Variants in FBXW11 observed in about 807,000 individuals in gnomAD.
The protein encoded by FBXW11 is F-box and WD repeat domain containing 11.
In FBXW11, 19 loss-of-function variants were observed where a neutral mutation model predicts 77.6. The observed-to-expected ratio is 0.24, with a 90% confidence interval of 0.17 to 0.36. The LOEUF (loss-of-function observed/expected upper bound fraction) is 0.36, where lower values mean the gene tolerates loss of function less well. Among genes scored for constraint, FBXW11 ranks in the 10% least tolerant of loss-of-function variants. FBXW11 has a pLI of 1.00. For missense variants in FBXW11, 334 were observed against 704.2 expected, an observed-to-expected ratio of 0.47 and a Z score of 5.95; for synonymous variants, 235 against 249.4, an observed-to-expected ratio of 0.94 and a Z score of 0.54.
chr5:171,865,309 G>T (rs1008111433), intron 13 of FBXW11, among the ~76,000 whole-genome samples: 1 of 150,980 alleles, frequency 6.6e-6, no homozygotes, highest in Non-Finnish European at 1.5e-5. Context: ...GTCTTCAAAC[G>T]TGATACCTTT....
At chr5:171,895,144 T>A (rs1759658050) in intron 6 of FBXW11, among the ~76,000 whole-genome samples, 1 of 152,170 alleles carries the variant, frequency 6.6e-6, no homozygotes, top group South Asian at 2.1e-4. Context: ...CCTCTTTATA[T>A]GGATACCTAT....
chr5:171,989,669 G>C (rs958407631), intron 1 of FBXW11, among the ~76,000 whole-genome samples: 5 of 152,180 alleles, frequency 3.3e-5, no homozygotes, highest in Admixed American at 2.0e-4. Flanking sequence ...TAAAGGAACT[G>C]TTCTTAAAAA....
intron 1 of FBXW11, among the ~76,000 whole-genome samples, chr5:171,965,673 A>G (rs929983325): frequency 6.6e-6 from 1 of 152,138 alleles, no homozygotes; most frequent in African/African-American, 2.4e-5. Flanking sequence ...TTTTTCTCCA[A>G]TGACCACCTA....
At chr5:171,890,174 T>C (rs766137340) in intron 7 of FBXW11, among the ~76,000 whole-genome samples, 5 of 152,006 alleles carry the variant, frequency 3.3e-5, no homozygotes, top group African/African-American at 4.8e-5. Flanking sequence ...ACATACCTAT[T>C]AGAATGGCTA....
chr5:171,931,759 T>C (rs992859154), intron 2 of FBXW11, among the ~76,000 whole-genome samples: 5 of 151,588 alleles, frequency 3.3e-5, no homozygotes, highest in African/African-American at 9.7e-5. Flanking sequence ...GCAAAAAACA[T>C]ATATGACAAA....
At chr5:171,899,248 T>C (rs1423590289) in intron 5 of FBXW11, among the ~76,000 whole-genome samples, 154 bp from the exon 6 acceptor site, 1 of 152,200 alleles carries the variant, frequency 6.6e-6, no homozygotes, top group Non-Finnish European at 1.5e-5. Flanking sequence ...ATTTACATGT[T>C]ACAGACAAGT....
At chr5:171,931,708 G>C (rs960871463) in intron 2 of FBXW11, among the ~76,000 whole-genome samples, 1 of 152,084 alleles carries the variant, frequency 6.6e-6, no homozygotes, top group Non-Finnish European at 1.5e-5. Context: ...ACACTGTCAA[G>C]AGAATTGAAA....
At chr5:171,932,022 A>G (rs1424801750) in intron 2 of FBXW11, among the ~76,000 whole-genome samples, 1 of 151,836 alleles carries the variant, frequency 6.6e-6, no homozygotes, top group Non-Finnish European at 1.5e-5. Flanking sequence ...CCACAGGGGT[A>G]CACCACCATA....
intron 7 of FBXW11, among the ~76,000 whole-genome samples, chr5:171,886,556 AAAACTT>A (rs1167598438): frequency 3.3e-5 from 5 of 152,228 alleles, no homozygotes; most frequent in East Asian, 1.9e-4. Context: ...CATGTACCCT[AAAACTT>A]AAAGTATAAT....
intron 1 of FBXW11, among the ~76,000 whole-genome samples, chr5:171,960,418 A>G (rs1167562662): frequency 5.9e-5 from 9 of 152,220 alleles, no homozygotes; most frequent in Non-Finnish European, 8.8e-5. Flanking sequence ...TCAGCAACTA[A>G]TATCAAATTA....
chr5:171,955,829 AT>A (rs1214670665), intron 2 of FBXW11, among the ~76,000 whole-genome samples: 9 of 152,012 alleles, frequency 5.9e-5, no homozygotes, highest in Admixed American at 1.3e-4. Flanking sequence ...AAAAAAAAAA[AT>A]CTTTTTTTCC....
intron 2 of FBXW11, among the ~76,000 whole-genome samples, chr5:171,946,426 C>A (rs1763011689): frequency 6.6e-6 from 1 of 152,176 alleles, no homozygotes; most frequent in South Asian, 2.1e-4. Flanking sequence ...CCATCTCATG[C>A]AGAATAAAAG....
chr5:171,942,506 G>A (rs928872142), intron 2 of FBXW11, among the ~76,000 whole-genome samples: 1 of 151,642 alleles, frequency 6.6e-6, no homozygotes, highest in Non-Finnish European at 1.5e-5. Flanking sequence ...AAAAGCGATT[G>A]CTGTTTTCTC....
Position 171,959,928 on chromosome 5 carries a change from T to C in FBXW11, c.46-2230A>G, listed in dbSNP as rs148038035. On this transcript the variant is annotated intron_variant, in intron 1 of 13. Coordinates refer to ENST00000517395, the MANE Select transcript of FBXW11 (RefSeq NM_001378974.1). Reference sequence around the variant, plus strand: ...GTGCAGGGGAATAAGGGCTAACTGATGGCAGAATTAGGACTAGTAAATTAA... The same window carrying C: ...GTGCAGGGGAATAAGGGCTAACTGACGGCAGAATTAGGACTAGTAAATTAA... Among the ~76,000 whole-genome samples the C allele has an allele frequency of 7.6e-3, 1,160 of 152,164 alleles. 19 individuals carry two copies. The highest frequency in any genetic ancestry group is 0.026 in the African/African-American group (1,092 of 41,504).
chr5:171,915,983 G>A (rs1317043293), intron 2 of FBXW11, among the ~76,000 whole-genome samples: 1 of 150,690 alleles, frequency 6.6e-6, no homozygotes, highest in Non-Finnish European at 1.5e-5. Flanking sequence ...GCAAACTATC[G>A]CAAGGACAAA....
intron 1 of FBXW11, among the ~76,000 whole-genome samples, chr5:171,961,732 C>T (rs983724680): frequency 2.0e-5 from 3 of 152,118 alleles, no homozygotes; most frequent in Admixed American, 2.0e-4. Flanking sequence ...CTGAAACCTC[C>T]ATCTCTCAGG....
intron 1 of FBXW11, among the ~76,000 whole-genome samples, chr5:171,974,688 T>C (rs1764723841): frequency 6.6e-6 from 1 of 152,102 alleles, no homozygotes; most frequent in Admixed American, 6.6e-5. Context: ...CTATAAATAT[T>C]CACTGCACTT....
At chr5:171,912,226 G>A (rs1034014778) in intron 3 of FBXW11, among the ~76,000 whole-genome samples, 2 of 152,168 alleles carry the variant, frequency 1.3e-5, no homozygotes, top group Non-Finnish European at 2.9e-5. Context: ...GAGATGGGAA[G>A]GCATCTATCT....
chr5:171,947,041 T>G (rs1763049127), intron 2 of FBXW11, among the ~76,000 whole-genome samples: 1 of 152,126 alleles, frequency 6.6e-6, no homozygotes. Flanking sequence ...CTTGAACTCC[T>G]GCCCTCAAGT....
Sources: gnomAD v4.1 joint callset for allele counts (sites outside exome capture counted in the v4.1 genomes callset) on GRCh38, gnomAD v4.1.1 for gene constraint, MANE v1.5 for transcripts, NCBI Gene and HGNC (gene_info 2026-07-23, HGNC 2026-07-21) for gene names.